Variants in ARHGAP15 observed in about 807,000 individuals in gnomAD.
ARHGAP15 encodes the protein Rho GTPase activating protein 15, also known as rho GTPase-activating protein 15.
ARHGAP15 carries 51 observed loss-of-function variants against 63.7 expected under a neutral mutation model. The observed-to-expected ratio is 0.80, with a 90% CI of 0.64 to 1.01. ARHGAP15 has a LOEUF of 1.01. Ranked by LOEUF, ARHGAP15 falls within the 50% of genes least tolerant of loss-of-function variation. The pLI is 0.00. For synonymous variants in ARHGAP15, 191 were observed against 193.8 expected (o/e 0.99, Z 0.12); for missense variants, 560 against 564.6 (o/e 0.99, Z 0.08).
intron 13 of ARHGAP15, among the ~76,000 whole-genome samples, chr2:143,752,795 G>T (rs1367717363): frequency 6.6e-6 from 1 of 152,152 alleles, no homozygotes; most frequent in Non-Finnish European, 1.5e-5. Flanking sequence ...CATAGAGCCT[G>T]TCAAAGTCGT....
intron 6 of ARHGAP15, among the ~76,000 whole-genome samples, chr2:143,298,230 A>G (rs558784237): frequency 4.3e-4 from 65 of 152,094 alleles, no homozygotes; most frequent in Non-Finnish European, 7.5e-4. Context: ...CTATAGAGAT[A>G]TTAGTACTTC....
At chr2:143,548,219 G>A (rs116972028) in intron 10 of ARHGAP15, among the ~76,000 whole-genome samples, 2 of 152,150 alleles carry the variant, frequency 1.3e-5, no homozygotes, top group South Asian at 2.1e-4. Context: ...TGAAGTAACA[G>A]GGGCAAAAGA....
chr2:143,425,249 T>C (rs1475038460), intron 6 of ARHGAP15, among the ~76,000 whole-genome samples: 4 of 152,064 alleles, frequency 2.6e-5, no homozygotes, highest in East Asian at 3.9e-4. Context: ...TGTTGCTCAA[T>C]TGACAGATGT....
chr2:143,626,510 T>C (rs1427806294), intron 12 of ARHGAP15, among the ~76,000 whole-genome samples: 2 of 152,074 alleles, frequency 1.3e-5, no homozygotes, highest in African/African-American at 2.4e-5. Flanking sequence ...GCAAGGTTTA[T>C]TGTGAAGAGC....
At chr2:143,330,673 ATTCAGTTTG>A (rs1258070005) in intron 6 of ARHGAP15, among the ~76,000 whole-genome samples, 1 of 152,140 alleles carries the variant, frequency 6.6e-6, no homozygotes, top group Non-Finnish European at 1.5e-5. Flanking sequence ...ATGATTTCTA[ATTCAGTTTG>A]TCCTTAAGGT....
At chr2:143,546,929 AAAAG>A (rs1204050585) in intron 10 of ARHGAP15, among the ~76,000 whole-genome samples, 5 of 152,124 alleles carry the variant, frequency 3.3e-5, no homozygotes, top group Admixed American at 1.3e-4. Flanking sequence ...TTTTTTAAAA[AAAAG>A]AAGATGTAAG....
intron 12 of ARHGAP15, among the ~76,000 whole-genome samples, chr2:143,643,060 C>T (rs187811224): frequency 5.9e-5 from 9 of 152,106 alleles, no homozygotes; most frequent in Admixed American, 1.3e-4. Context: ...TAATTAATTG[C>T]GGAGAATTCA....
At chr2:143,716,173 A>G (rs954716420) in intron 13 of ARHGAP15, among the ~76,000 whole-genome samples, 1 of 152,184 alleles carries the variant, frequency 6.6e-6, no homozygotes, top group Admixed American at 6.5e-5. Flanking sequence ...TCCTGAACTT[A>G]AAGGCTGGAA....
chr2:143,222,888 A>C (rs986070383), intron 4 of ARHGAP15, among the ~76,000 whole-genome samples: 1 of 152,002 alleles, frequency 6.6e-6, no homozygotes, highest in Non-Finnish European at 1.5e-5. Context: ...AGTTCTCCCT[A>C]CTTCCCAATT....
chr2:143,286,829 T>A (rs909780441), intron 6 of ARHGAP15, among the ~76,000 whole-genome samples: 3 of 152,198 alleles, frequency 2.0e-5, no homozygotes, highest in African/African-American at 7.2e-5. Context: ...TACACAAACA[T>A]AGATGGTATA....
chr2:143,223,665 A>G (rs1693088110), intron 4 of ARHGAP15, among the ~76,000 whole-genome samples: 1 of 152,136 alleles, frequency 6.6e-6, no homozygotes, highest in Admixed American at 6.5e-5. Flanking sequence ...GCTTTGCTCC[A>G]AAGAGAAAGA....
At chr2:143,683,314 T>G (rs1056041280) in intron 12 of ARHGAP15, among the ~76,000 whole-genome samples, 2 of 152,186 alleles carry the variant, frequency 1.3e-5, no homozygotes, top group Admixed American at 1.3e-4. Context: ...AGATATATGT[T>G]GTATAACATG....
intron 12 of ARHGAP15, among the ~76,000 whole-genome samples, chr2:143,679,367 G>A (rs1682983976): frequency 6.6e-6 from 1 of 152,200 alleles, no homozygotes; most frequent in Admixed American, 6.5e-5. Flanking sequence ...CAGTGCTTCT[G>A]CAGAGTCAAC....
chr2:143,603,702 T>C (rs1697868155), intron 11 of ARHGAP15, among the ~76,000 whole-genome samples: 2 of 152,196 alleles, frequency 1.3e-5, no homozygotes, highest in Non-Finnish European at 2.9e-5. Flanking sequence ...CAGATTTAGT[T>C]TGTTTGGTGA....
chr2:143,148,125 G>A (rs3845644), intron 1 of ARHGAP15, among the ~76,000 whole-genome samples: 37,710 of 151,828 alleles, frequency 0.25, 4,814 homozygotes, highest in East Asian at 0.45. Flanking sequence ...TTGTGTGGAT[G>A]TTCACTCCCC....
At chr2:143,747,773 T>C (rs752586578) in intron 13 of ARHGAP15, among the ~76,000 whole-genome samples, 3 of 152,234 alleles carry the variant, frequency 2.0e-5, no homozygotes, top group Non-Finnish European at 4.4e-5. Context: ...TGTTTATCCA[T>C]TCATTATCCA....
At chr2:143,540,859 C>A (rs187361900) in intron 10 of ARHGAP15, among the ~76,000 whole-genome samples, 140 of 152,142 alleles carry the variant, frequency 9.2e-4, no homozygotes, top group African/African-American at 3.2e-3. Flanking sequence ...TGTGTCTTGG[C>A]GTTGCTCTTC....
At chr2:143,248,773 A>G (rs1168646989) in intron 5 of ARHGAP15, among the ~76,000 whole-genome samples, 2 of 152,216 alleles carry the variant, frequency 1.3e-5, no homozygotes, top group African/African-American at 4.8e-5. Flanking sequence ...AGACTTCTGT[A>G]TAATTGCCCA....
intron 12 of ARHGAP15, among the ~76,000 whole-genome samples, chr2:143,685,156 G>A (rs1044750840): frequency 9.2e-5 from 14 of 152,208 alleles, no homozygotes; most frequent in East Asian, 3.9e-4. Context: ...CACCGAAGTC[G>A]CATTTGCTCG....
Sources: gnomAD v4.1 joint callset for allele counts (sites outside exome capture counted in the v4.1 genomes callset) on GRCh38, gnomAD v4.1.1 for gene constraint, MANE v1.5 for transcripts, NCBI Gene and HGNC (gene_info 2026-07-23, HGNC 2026-07-21) for gene names.